Variants in TLN2 observed in about 807,000 individuals in gnomAD.
TLN2 encodes talin-2.
In TLN2, 118 loss-of-function variants were observed where a neutral mutation model predicts 294.7. The ratio of observed to expected loss-of-function variants is 0.40; its 90% CI spans 0.34 to 0.47. TLN2 has a LOEUF of 0.47. TLN2 is among the 20% of genes least tolerant of loss of function. The pLI is 0.84. For synonymous variants in TLN2, 1,431 were observed against 1,304.5 expected (o/e 1.10, Z -2.09); for missense variants, 3,083 against 3,282.2 (o/e 0.94, Z 1.48).
intron 52 of TLN2, among the ~76,000 whole-genome samples, chr15:62,811,713 G>A (rs1228785258): frequency 6.6e-6 from 1 of 152,090 alleles, no homozygotes; most frequent in Non-Finnish European, 1.5e-5. Context: ...AACATTTGCT[G>A]AATGCCTTAT....
chr15:62,476,112 C>G (rs1237243493), intron 1 of TLN2, among the ~76,000 whole-genome samples: 1 of 152,144 alleles, frequency 6.6e-6, no homozygotes, highest in Non-Finnish European at 1.5e-5. Context: ...TTCTCTGGAG[C>G]TGCTGCTTGT....
intron 8 of TLN2, among the ~76,000 whole-genome samples, chr15:62,657,561 A>ACAGG (rs1326491739): frequency 4.6e-5 from 7 of 152,132 alleles, no homozygotes; most frequent in South Asian, 2.1e-4. Flanking sequence ...TTTTCCATCT[A>ACAGG]CAGGCCATTT....
chr15:62,832,545 G>C (rs1443940937), intron 54 of TLN2: 1 of 152,260 alleles, frequency 6.6e-6, no homozygotes, highest in Non-Finnish European at 1.5e-5. Flanking sequence ...TTCCTGAGTT[G>C]TTTTAGCAGC....
chr15:62,787,067 G>T (rs1277228174), intron 45 of TLN2, among the ~76,000 whole-genome samples: 1 of 151,668 alleles, frequency 6.6e-6, no homozygotes, highest in Non-Finnish European at 1.5e-5. Flanking sequence ...ACCATGCCTG[G>T]TTAATTTTTC....
rs372406353 is a variant in TLN2 at position 62,635,976 on chromosome 15, T to G, written c.-36-11299T>G. Among the ~76,000 whole-genome samples, 13 of 152,208 alleles carry G rather than the reference T, an allele frequency of 8.5e-5. No individual in the cohort carries two copies. In the East Asian group the frequency reaches 1.9e-3, roughly 23 times the overall value. On this transcript the variant is annotated intron_variant, in intron 3 of 58. Coordinates refer to ENST00000636159, the MANE Select transcript of TLN2 (RefSeq NM_015059.3). ...GTCGAGTTCACATGACTACTCTGTT[T>G]TGGTTGTCCTGCTTGGGCGAAGTCT...
At chr15:62,535,641 T>C (rs1393218414) in intron 1 of TLN2, among the ~76,000 whole-genome samples, 4 of 151,738 alleles carry the variant, frequency 2.6e-5, no homozygotes, top group African/African-American at 9.7e-5. Flanking sequence ...CTGCAACCTC[T>C]GCCTCCCAGG....
intron 26 of TLN2, among the ~76,000 whole-genome samples, chr15:62,723,146 C>T (rs2060246765): frequency 6.6e-6 from 1 of 152,210 alleles, no homozygotes; most frequent in Admixed American, 6.5e-5. Context: ...TAGAAACAAG[C>T]AGCCTCATAA....
At chr15:62,667,067 G>A (rs1049686581) in intron 9 of TLN2, among the ~76,000 whole-genome samples, 2 of 152,170 alleles carry the variant, frequency 1.3e-5, no homozygotes, top group African/African-American at 4.8e-5. Context: ...CCGGATTCAG[G>A]CCGTTCTCCT....
chr15:62,391,721 G>A (rs1566936937), intron 1 of TLN2, among the ~76,000 whole-genome samples: 1 of 152,254 alleles, frequency 6.6e-6, no homozygotes, highest in Non-Finnish European at 1.5e-5. Context: ...ACTACAGCGC[G>A]TCGCCACGCC....
Position 62,835,807 on chromosome 15 carries a change from G to C in TLN2, c.7191+8G>C. On this transcript the variant is annotated splice_region_variant and intron_variant, in intron 56 of 58. Transcript: ENST00000636159. Reference sequence around the variant, plus strand: ...CAGGGGCTGATTTCTGCTGTGAGTTGCCTTCTCCTTCCTCCCAGTTTGCTT... The same window carrying C: ...CAGGGGCTGATTTCTGCTGTGAGTTCCCTTCTCCTTCCTCCCAGTTTGCTT... 1 of 1,614,198 alleles carries C rather than the reference G, an allele frequency of 6.2e-7. No homozygotes were observed.
At chr15:62,445,001 T>C (rs2035745564) in intron 1 of TLN2, among the ~76,000 whole-genome samples, 1 of 152,220 alleles carries the variant, frequency 6.6e-6, no homozygotes, top group African/African-American at 2.4e-5. Flanking sequence ...ACAGTTATTA[T>C]GTATCATAAC....
At chr15:62,752,810 G>C (rs1050065910) in intron 35 of TLN2, among the ~76,000 whole-genome samples, 2 of 152,182 alleles carry the variant, frequency 1.3e-5, no homozygotes, top group African/African-American at 4.8e-5. Context: ...TAGAATCAGA[G>C]AGAGAAAAAA....
chr15:62,588,665 CATATATATATATATATATAT>C (rs3055752), intron 1 of TLN2, among the ~76,000 whole-genome samples: 1,518 of 71,452 alleles, frequency 0.021, 64 homozygotes, highest in African/African-American at 0.068. Flanking sequence ...ACATTTTTTT[CATATATATATATATATATAT>C]ATATATATAT....
intron 50 of TLN2, among the ~76,000 whole-genome samples, chr15:62,801,956 T>C (rs569119587): frequency 6.6e-6 from 1 of 152,368 alleles, no homozygotes; most frequent in East Asian, 1.9e-4. Context: ...TGCTTTGTGT[T>C]ACAATCCAAT....
rs146764574 is a variant in TLN2 at position 62,837,193 on chromosome 15, G to A, written c.7374+1120G>A. On this transcript the variant is annotated intron_variant, in intron 57 of 58. Transcript: ENST00000636159. Reference sequence around the variant, plus strand: ...GCCTAAAGTGCATTTCCATTTTTTGGCCCTCTTGAGTCCCTCTCTGACCCA... The same window carrying A: ...GCCTAAAGTGCATTTCCATTTTTTGACCCTCTTGAGTCCCTCTCTGACCCA... 2.0e-3 allele frequency among the ~76,000 whole-genome samples: 300 copies of A among 152,150 alleles called. 4 individuals carry two copies. The highest frequency in any genetic ancestry group is 0.018 in the Admixed American group (278 of 15,286).
At chr15:62,603,369 T>C (rs1444265629) in intron 2 of TLN2, among the ~76,000 whole-genome samples, 1 of 152,210 alleles carries the variant, frequency 6.6e-6, no homozygotes, top group African/African-American at 2.4e-5. Flanking sequence ...CAAGGCATAC[T>C]CTATGCACGT....
chr15:62,784,144 G>A (rs1316343459), intron 45 of TLN2: 3 of 535,392 alleles, frequency 5.6e-6, no homozygotes, highest in Non-Finnish European at 9.5e-6. Context: ...TTTGTATACA[G>A]TGTTCTATCA....
At chr15:62,655,230 C>T (rs1341759214) in intron 7 of TLN2, among the ~76,000 whole-genome samples, 2 of 152,164 alleles carry the variant, frequency 1.3e-5, no homozygotes, top group Admixed American at 6.5e-5. Context: ...TGCTTATAAT[C>T]TAGAGACGCT....
intron 8 of TLN2, among the ~76,000 whole-genome samples, chr15:62,657,302 A>G (rs1596527249): frequency 6.6e-6 from 1 of 151,856 alleles, no homozygotes; most frequent in Non-Finnish European, 1.5e-5. Context: ...GTGTGTGCCT[A>G]TCGCCTTTCT....
Sources: allele counts gnomAD v4.1 joint callset (sites outside exome capture counted in the v4.1 genomes callset), GRCh38; gene constraint gnomAD v4.1.1; transcripts MANE v1.5; gene names NCBI Gene and HGNC (gene_info 2026-07-23, HGNC 2026-07-21).